TRDN: variants seen among roughly 807,000 people sequenced by gnomAD.
The protein encoded by TRDN is triadin in skeletal muscle.
In TRDN, 161 loss-of-function variants were observed where a neutral mutation model predicts 149.7. That is an observed-to-expected ratio of 1.08 (90% CI 0.95 to 1.23). The LOEUF (loss-of-function observed/expected upper bound fraction) is 1.23. Ranked by LOEUF, TRDN falls within the 50% of genes most tolerant of loss-of-function variation. TRDN has a pLI of 0.00. For missense variants in TRDN, 896 were observed against 823.5 expected, an observed-to-expected ratio of 1.09 and a Z score of -1.08; for synonymous variants, 294 against 250.5, an observed-to-expected ratio of 1.17 and a Z score of -1.64.
chr6:123,398,257 G>A (rs1025361657), intron 12 of TRDN, among the ~76,000 whole-genome samples: 6 of 152,052 alleles, frequency 3.9e-5, no homozygotes, highest in Non-Finnish European at 5.9e-5. Context: ...CACCTGCCTC[G>A]GCCTCCCAAA....
chr6:123,522,437 TG>T (rs10711374), intron 5 of TRDN, among the ~76,000 whole-genome samples: 126,647 of 149,370 alleles, frequency 0.85, 53,817 homozygotes, highest in East Asian at 0.98. Context: ...AACAACTACA[TG>T]GGGGGGGAAA....
chr6:123,556,126 T>C (rs1049906553), intron 2 of TRDN, among the ~76,000 whole-genome samples: 1 of 152,156 alleles, frequency 6.6e-6, no homozygotes, highest in African/African-American at 2.4e-5. Context: ...ACCTTTCAGA[T>C]GCTTTTGTAA....
chr6:123,231,344 C>G (rs1014308917), intron 38 of TRDN, among the ~76,000 whole-genome samples: 1 of 151,950 alleles, frequency 6.6e-6, no homozygotes, highest in Non-Finnish European at 1.5e-5. Flanking sequence ...ATTCCTCTTA[C>G]GTAGATCAAA....
chr6:123,482,018 G>A (rs1425105873), intron 9 of TRDN, among the ~76,000 whole-genome samples: 1 of 152,170 alleles, frequency 6.6e-6, no homozygotes, highest in Non-Finnish European at 1.5e-5. Flanking sequence ...CAAAAGGAAG[G>A]AATGTTGCAA....
chr6:123,356,176 G>A (rs1196734940), intron 20 of TRDN, among the ~76,000 whole-genome samples: 4 of 151,540 alleles, frequency 2.6e-5, no homozygotes, highest in East Asian at 1.9e-4. Flanking sequence ...ACTGGTGATC[G>A]CAAACATCCT....
At chr6:123,337,786 T>C (rs1265202603) in intron 21 of TRDN, 117 bp from the exon 22 acceptor site, 1 of 548,850 alleles carries the variant, frequency 1.8e-6, no homozygotes, top group Non-Finnish European at 3.2e-6. Flanking sequence ...TGAGTTGATA[T>C]TCACAATACA....
intron 39 of TRDN, 87 bp downstream of exon 39, chr6:123,224,006 A>G: frequency 4.8e-6 from 6 of 1,247,312 alleles, no homozygotes; most frequent in Non-Finnish European, 6.7e-6. Flanking sequence ...TAGATCAAGA[A>G]TAGCTAGGAA....
intron 33 of TRDN, among the ~76,000 whole-genome samples, chr6:123,264,031 C>T (rs758319516): frequency 3.5e-4 from 53 of 152,104 alleles, no homozygotes; most frequent in Middle Eastern, 3.4e-3. Flanking sequence ...TGGAGCTGTA[C>T]GAGGAGATTA....
intron 39 of TRDN, among the ~76,000 whole-genome samples, chr6:123,222,153 G>T (rs879673013): frequency 1.3e-5 from 2 of 151,508 alleles, no homozygotes; most frequent in African/African-American, 2.4e-5. Flanking sequence ...GGTTTTGGGG[G>T]TTTTTCTATA....
intron 32 of TRDN, 57 bp from the exon 33 acceptor site, chr6:123,265,395 G>A: frequency 8.8e-7 from 1 of 1,137,392 alleles, no homozygotes. Flanking sequence ...ATCTATGGGT[G>A]ACATATCAGC....
At chr6:123,369,713 C>G (rs1781249690) in intron 19 of TRDN, among the ~76,000 whole-genome samples, 1 of 152,156 alleles carries the variant, frequency 6.6e-6, no homozygotes, top group Non-Finnish European at 1.5e-5. Flanking sequence ...ACCACACCAG[C>G]ACATACTCAT....
chr6:123,627,141 G>A (rs1785718705), intron 1 of TRDN, among the ~76,000 whole-genome samples: 1 of 151,918 alleles, frequency 6.6e-6, no homozygotes, highest in South Asian at 2.1e-4. Context: ...CATTGGCCAG[G>A]CTGGTCTTGA....
chr6:123,614,137 T>A (rs1784947635), intron 1 of TRDN, among the ~76,000 whole-genome samples: 1 of 151,830 alleles, frequency 6.6e-6, no homozygotes, highest in South Asian at 2.1e-4. Context: ...AACTACTAAA[T>A]CAGAACCTGC....
chr6:123,417,786 G>A (rs1345911474), intron 12 of TRDN, among the ~76,000 whole-genome samples: 1 of 152,114 alleles, frequency 6.6e-6, no homozygotes, highest in Non-Finnish European at 1.5e-5. Flanking sequence ...CATCTCTCCG[G>A]TTTCTCATAT....
chr6:123,626,610 T>A (rs942436999), intron 1 of TRDN, among the ~76,000 whole-genome samples: 1 of 152,190 alleles, frequency 6.6e-6, no homozygotes, highest in Non-Finnish European at 1.5e-5. Context: ...TCCACTGATG[T>A]CTTGAGCCCC....
At position 123,311,320 on chromosome 6, in the gene TRDN, T is replaced by C. The variant is rs145265527; in HGVS notation, c.1510+5137A>G. ...GGGGGAAATCGCCCCCATGATCCAA[T>C]CACCTCCATCCCAGTCCATCCCTCA... On this transcript the variant is annotated intron_variant, in intron 24 of 40. Coordinates refer to ENST00000334268, the MANE Select transcript of TRDN (RefSeq NM_006073.4). Among the ~76,000 whole-genome samples, 28 of 151,952 alleles carry C rather than the reference T, an allele frequency of 1.8e-4. No individual in the cohort carries two copies. In the East Asian group the frequency reaches 5.0e-3, roughly 27 times the overall value.
At chr6:123,505,353 A>T (rs1470316268) in intron 7 of TRDN, among the ~76,000 whole-genome samples, 1 of 152,056 alleles carries the variant, frequency 6.6e-6, no homozygotes, top group Non-Finnish European at 1.5e-5. Flanking sequence ...ATAATATCAG[A>T]AGGTCCCATT....
At chr6:123,514,951 G>A (rs1249453987) in intron 6 of TRDN, among the ~76,000 whole-genome samples, 2 of 151,862 alleles carry the variant, frequency 1.3e-5, no homozygotes, top group African/African-American at 4.8e-5. Flanking sequence ...AGGGGAGGGA[G>A]AGCATTAGGA....
At chr6:123,481,884 A>G (rs183901187) in intron 9 of TRDN, among the ~76,000 whole-genome samples, 40 of 152,300 alleles carry the variant, frequency 2.6e-4, no homozygotes, top group African/African-American at 8.9e-4. Flanking sequence ...TTTAAAAGCT[A>G]TCACATGGCA....
Sources: allele counts gnomAD v4.1 joint callset (sites outside exome capture counted in the v4.1 genomes callset), GRCh38; gene constraint gnomAD v4.1.1; transcripts MANE v1.5; gene names NCBI Gene and HGNC (gene_info 2026-07-23, HGNC 2026-07-21).